The following ABCG1 variants were observed in gnomAD, a reference collection of about 807,000 sequenced individuals.
ABCG1 encodes the protein ATP-binding cassette sub-family G member 1.
Under a neutral mutation model 69.2 loss-of-function variants are expected in ABCG1, and 29 were observed. The observed-to-expected ratio is 0.42, with a 90% CI of 0.31 to 0.57. ABCG1 has a LOEUF of 0.57. Among genes scored for constraint, ABCG1 ranks in the 20% least tolerant of loss-of-function variants. ABCG1 has a pLI of 0.15. For synonymous variants in ABCG1, 370 were observed against 374.8 expected (o/e 0.99, Z 0.15); for missense variants, 718 against 898.1 (o/e 0.80, Z 2.56).
intron 2 of ABCG1, among the ~76,000 whole-genome samples, chr21:42,269,002 C>T (rs1007963334): frequency 6.6e-6 from 1 of 152,132 alleles, no homozygotes; most frequent in African/African-American, 2.4e-5. Context: ...AGAGGTGGGC[C>T]CTGCCTGCCC....
chr21:42,224,614 C>T (rs146694918), intron 1 of ABCG1, among the ~76,000 whole-genome samples: 224 of 152,278 alleles, frequency 1.5e-3, no homozygotes, highest in African/African-American at 5.1e-3. Flanking sequence ...GTTTTGATTT[C>T]ATGAAGGACT....
At chr21:42,249,423 C>T (rs1469343314) in intron 2 of ABCG1, among the ~76,000 whole-genome samples, 1 of 152,210 alleles carries the variant, frequency 6.6e-6, no homozygotes, top group East Asian at 1.9e-4. Flanking sequence ...GTCGGTTTCA[C>T]TTCTGCTTAC....
intron 2 of ABCG1, among the ~76,000 whole-genome samples, chr21:42,255,243 T>C (rs988267544): frequency 6.6e-6 from 1 of 152,160 alleles, no homozygotes; most frequent in African/African-American, 2.4e-5. Context: ...TGGGGCGCGG[T>C]GTGCAGGGGG....
At chr21:42,280,865 C>T (rs967039166) in intron 5 of ABCG1, among the ~76,000 whole-genome samples, 1 of 152,156 alleles carries the variant, frequency 6.6e-6, no homozygotes, top group Non-Finnish European at 1.5e-5. Flanking sequence ...CAGTCGATGC[C>T]AGCTGGGAAG....
chr21:42,268,878 C>T (rs1255868045), intron 2 of ABCG1, among the ~76,000 whole-genome samples: 3 of 152,198 alleles, frequency 2.0e-5, no homozygotes, highest in Non-Finnish European at 2.9e-5. Context: ...TCATTGCAGC[C>T]TGTATGTGCT....
intron 1 of ABCG1, among the ~76,000 whole-genome samples, chr21:42,224,197 C>T (rs557917454): frequency 4.6e-5 from 7 of 152,270 alleles, no homozygotes; most frequent in East Asian, 1.9e-4. Context: ...GTTGACATCC[C>T]CCCTCCAAAG....
chr21:42,206,351 AAAAT>A (rs79957854), intron 2 of ABCG1, among the ~76,000 whole-genome samples: 5,045 of 149,098 alleles, frequency 0.034, 124 homozygotes, highest in Middle Eastern at 0.062. Flanking sequence ...CTCTGTCTCA[AAAAT>A]AAATAAATAA....
chr21:42,288,401 C>A lies in ABCG1; in HGVS notation c.1224+89C>A. 1 of 967,054 alleles carries A rather than the reference C, an allele frequency of 1.0e-6. No homozygotes were observed. The highest frequency in any genetic ancestry group is 1.6e-6 in the Non-Finnish European group (1 of 630,136). The allele number at this position is 967,054 out of a possible 1,614,324, so 59.9% of individuals were successfully genotyped here. On this transcript the variant is annotated intron_variant, in intron 10 of 14. Coordinates refer to ENST00000398449, the MANE Select transcript of ABCG1 (RefSeq NM_016818.3). The surrounding 1 kb of genome is among the most constrained non-coding windows in gnomAD (Gnocchi z 4.8). The stretch of plus-strand genomic sequence containing the variant: ...CTGACGGAATGTGTTCGTTCATTCT[C>A]ACATTGCTATAAAGAAATTCATGAG...
At chr21:42,245,443 C>T (rs907173573) in intron 2 of ABCG1, among the ~76,000 whole-genome samples, 1 of 152,204 alleles carries the variant, frequency 6.6e-6, no homozygotes, top group African/African-American at 2.4e-5. Flanking sequence ...ATCTTAAGCC[C>T]GGCTTAACCC....
At chr21:42,267,282 T>C (rs1601415831) in intron 2 of ABCG1, among the ~76,000 whole-genome samples, 1 of 152,196 alleles carries the variant, frequency 6.6e-6, no homozygotes, top group African/African-American at 2.4e-5. Context: ...CTGGTTTGGG[T>C]TCTGTCTGGG....
chr21:42,251,081 C>G (rs535092165), intron 2 of ABCG1, among the ~76,000 whole-genome samples: 1 of 152,182 alleles, frequency 6.6e-6, no homozygotes, highest in African/African-American at 2.4e-5. Context: ...GTCACTATCT[C>G]CTCTGGAATA....
At chr21:42,278,286 A>AC (rs891393879) in intron 5 of ABCG1, among the ~76,000 whole-genome samples, 13 of 151,424 alleles carry the variant, frequency 8.6e-5, no homozygotes, top group South Asian at 4.2e-4. Context: ...TAACGTAGAC[A>AC]CCCCCCCACA....
intron 2 of ABCG1, among the ~76,000 whole-genome samples, chr21:42,260,350 C>T (rs1034023951): frequency 6.6e-6 from 1 of 152,218 alleles, no homozygotes; most frequent in Non-Finnish European, 1.5e-5. Flanking sequence ...CGCTGCTGCT[C>T]CTGCCAGGGG....
intron 1 of ABCG1, among the ~76,000 whole-genome samples, chr21:42,225,034 A>G (rs888445546): frequency 6.6e-6 from 1 of 151,708 alleles, no homozygotes; most frequent in African/African-American, 2.4e-5. Context: ...AATTGTCTAT[A>G]TCTCAGTTTC....
intron 5 of ABCG1, 28 bp from the exon 6 acceptor site, chr21:42,282,246 C>T: frequency 6.2e-7 from 1 of 1,603,310 alleles, no homozygotes; most frequent in Non-Finnish European, 8.5e-7. Context: ...CGGGCAGCTC[C>T]CAATGTCTCT....
intron 2 of ABCG1, among the ~76,000 whole-genome samples, chr21:42,238,542 A>C (rs1312088283): frequency 6.6e-6 from 1 of 152,170 alleles, no homozygotes; most frequent in East Asian, 1.9e-4. Context: ...TTTCTGAGAG[A>C]TCTCTCAAGT....
At chr21:42,212,883 T>C (rs548884425), upstream of ABCG1, among the ~76,000 whole-genome samples, 462 of 152,028 alleles carry the variant, frequency 3.0e-3, 5 homozygotes, top group African/African-American at 9.2e-3. Flanking sequence ...TTAGTAGAGA[T>C]GGGGTTTCAC....
intron 2 of ABCG1, among the ~76,000 whole-genome samples, chr21:42,238,855 T>A (rs1438787338): frequency 6.6e-6 from 1 of 152,192 alleles, no homozygotes; most frequent in Non-Finnish European, 1.5e-5. Flanking sequence ...AGCTCTGGGG[T>A]TGGTGGGAGC....
intron 2 of ABCG1, among the ~76,000 whole-genome samples, chr21:42,251,247 G>A (rs1471380958): frequency 6.6e-6 from 1 of 152,154 alleles, no homozygotes; most frequent in African/African-American, 2.4e-5. Flanking sequence ...TTTGCTTTAG[G>A]TTTGGGCAGG....
Sources: allele counts gnomAD v4.1 joint callset (sites outside exome capture counted in the v4.1 genomes callset), GRCh38; gene constraint gnomAD v4.1.1; non-coding constraint Gnocchi (gnomAD v3.1); transcripts MANE v1.5; gene names NCBI Gene and HGNC (gene_info 2026-07-23, HGNC 2026-07-21).